CDH11: variants seen among roughly 807,000 people sequenced by gnomAD.
The protein encoded by CDH11 is cadherin-11.
In CDH11, 11 loss-of-function variants were observed where a neutral mutation model predicts 67.8. The observed-to-expected ratio is 0.16, with a 90% CI of 0.10 to 0.27. CDH11 has a LOEUF of 0.27. Among genes scored for constraint, CDH11 ranks in the 10% least tolerant of loss-of-function variants. CDH11 has a pLI of 1.00. For missense variants in CDH11, 847 were observed against 1,031.2 expected, an observed-to-expected ratio of 0.82 and a Z score of 2.45; for synonymous variants, 419 against 400.0, an observed-to-expected ratio of 1.05 and a Z score of -0.57.
intron 1 of CDH11, among the ~76,000 whole-genome samples, chr16:65,114,737 A>G (rs1403451013): frequency 1.3e-5 from 2 of 152,338 alleles, no homozygotes; most frequent in Non-Finnish European, 2.9e-5. Context: ...TGGAAGGTCC[A>G]GGAGCCTTGG....
chr16:65,073,874 T>C (rs980712416), intron 1 of CDH11, among the ~76,000 whole-genome samples: 10 of 152,144 alleles, frequency 6.6e-5, no homozygotes, highest in African/African-American at 2.4e-4. Context: ...ACAGACAGCA[T>C]CAGGAGAAGC....
intron 2 of CDH11, among the ~76,000 whole-genome samples, chr16:65,015,991 G>A (rs1362772892): frequency 2.0e-5 from 3 of 152,172 alleles, no homozygotes; most frequent in African/African-American, 7.2e-5. Flanking sequence ...GTGGATGGAA[G>A]CCACTGAACA....
chr16:64,994,467 C>T (rs914378941), intron 4 of CDH11, among the ~76,000 whole-genome samples: 6 of 152,102 alleles, frequency 3.9e-5, no homozygotes, highest in Non-Finnish European at 5.9e-5. Flanking sequence ...TGCCTGGGTT[C>T]GTAAGGCTGA....
intron 12 of CDH11, among the ~76,000 whole-genome samples, chr16:64,948,987 G>A (rs1211721875): frequency 5.9e-5 from 9 of 152,232 alleles, no homozygotes; most frequent in African/African-American, 1.9e-4. Context: ...ACTGCTCTGA[G>A]AAGAAGGAAT....
At chr16:64,973,494 A>T (rs2072071043) in intron 8 of CDH11, among the ~76,000 whole-genome samples, 1 of 152,132 alleles carries the variant, frequency 6.6e-6, no homozygotes, top group Non-Finnish European at 1.5e-5. Flanking sequence ...TAGACCTAAA[A>T]ATCAGTTTGT....
intron 2 of CDH11, among the ~76,000 whole-genome samples, chr16:65,034,299 T>C (rs570918617): frequency 2.6e-5 from 4 of 152,310 alleles, no homozygotes; most frequent in African/African-American, 7.2e-5. Context: ...GATTTTGAAA[T>C]TGTAGCCTCC....
Position 64,947,748 on chromosome 16 carries a change from C to T in CDH11, c.2246G>A (p.Gly749Asp). The change falls in exon 13 of 13, where the codon GGC becomes GAC. Residue 749 changes from glycine to aspartate, a missense_variant. Physicochemically the swap from Gly to Asp is moderately conservative, Grantham distance 94 (BLOSUM62 -1). Around this residue, in one of 2 missense-constraint regions of CDH11, gnomAD observed 612 missense variants for 678.7 expected, o/e 0.90. Transcript: ENST00000268603. ...GGAGCTCAGGGACCCGGCCACTGAGCCCCTGCCTTCATAACCGTAGATTTG... is the reference window on the plus strand; with the variant it reads ...GGAGCTCAGGGACCCGGCCACTGAGTCCCTGCCTTCATAACCGTAGATTTG... ...SIQIYGYEGRGSVAGSLSSLE... is the reference protein window; with the variant it reads ...SIQIYGYEGRDSVAGSLSSLE... The T allele has an allele frequency of 6.2e-7, 1 of 1,614,138 alleles. No homozygotes were observed. Among genetic ancestry groups the T allele is most frequent in the Non-Finnish European group, 8.5e-7 (1 of 1,180,002 alleles).
Position 64,947,281 on chromosome 16 carries a change from G to A in CDH11, c.*322C>T, listed in dbSNP as rs1596998136. 3 of 1,139,310 alleles carry A rather than the reference G, an allele frequency of 2.6e-6. No homozygotes were observed. The highest frequency in any genetic ancestry group is 3.2e-5 in the African/African-American group (2 of 63,212). 70.6% of individuals were successfully genotyped at this position (1,139,310 alleles called of 1,614,324 possible). On this transcript the variant is annotated 3_prime_UTR_variant, in exon 13 of 13. Transcript: ENST00000268603. ...CTTAAAAAAGAAGAAAGACTTGGATGTTCATAACACATAAACAATTTCCCT... is the reference window on the plus strand; with the variant it reads ...CTTAAAAAAGAAGAAAGACTTGGATATTCATAACACATAAACAATTTCCCT...
At chr16:65,061,534 AT>A (rs950156480) in intron 1 of CDH11, among the ~76,000 whole-genome samples, 81 of 152,304 alleles carry the variant, frequency 5.3e-4, no homozygotes, top group African/African-American at 1.9e-3. Context: ...GTAGGTTATC[AT>A]TTTGCAAATA....
At chr16:65,122,923 G>C (rs2075359628), upstream of CDH11, among the ~76,000 whole-genome samples, 2 of 152,174 alleles carry the variant, frequency 1.3e-5, no homozygotes, top group South Asian at 4.1e-4. Context: ...CCACTCCCTC[G>C]CTACAGACCC....
intron 2 of CDH11, 110 bp from the exon 3 acceptor site, chr16:65,005,151 G>C: frequency 9.9e-7 from 1 of 1,014,768 alleles, no homozygotes; most frequent in African/African-American, 1.7e-5. Flanking sequence ...GGGAGCTACG[G>C]GCTTTGGGGA....
intron 1 of CDH11, among the ~76,000 whole-genome samples, chr16:65,094,163 G>A (rs2074843212): frequency 6.6e-6 from 1 of 152,064 alleles, no homozygotes; most frequent in South Asian, 2.1e-4. Flanking sequence ...TGGGATGAAG[G>A]GAAAGTAAAA....
chr16:65,023,841 G>C (rs1201710048), intron 2 of CDH11, among the ~76,000 whole-genome samples: 3 of 152,180 alleles, frequency 2.0e-5, no homozygotes, highest in African/African-American at 4.8e-5. Context: ...TCTTGGTTTT[G>C]ATGGGTTTTG....
intron 2 of CDH11, among the ~76,000 whole-genome samples, chr16:65,022,804 G>C (rs773628383): frequency 6.6e-6 from 1 of 151,976 alleles, no homozygotes; most frequent in Non-Finnish European, 1.5e-5. Context: ...GCCAGTGAGG[G>C]TCCCCACAGC....
chr16:65,059,441 T>C (rs2074201140), intron 1 of CDH11: 1 of 152,224 alleles, frequency 6.6e-6, no homozygotes, highest in South Asian at 2.1e-4. Context: ...TAATGCAAAG[T>C]GACAACCTTC....
At chr16:65,118,434 T>C (rs971044246) in intron 1 of CDH11, among the ~76,000 whole-genome samples, 1 of 151,534 alleles carries the variant, frequency 6.6e-6, no homozygotes, top group Non-Finnish European at 1.5e-5. Flanking sequence ...GACCTGTTGA[T>C]GTTTTTCCCC....
intron 1 of CDH11, among the ~76,000 whole-genome samples, chr16:65,093,659 A>G (rs1172839022): frequency 2.0e-5 from 3 of 152,204 alleles, no homozygotes; most frequent in Non-Finnish European, 4.4e-5. Context: ...CATTCATCCA[A>G]CAAAATAATC....
intron 11 of CDH11, among the ~76,000 whole-genome samples, chr16:64,970,885 T>TA: frequency 6.6e-6 from 1 of 152,228 alleles, no homozygotes; most frequent in East Asian, 1.9e-4. Flanking sequence ...TGGATGAGAG[T>TA]AAAAAATATA....
intron 2 of CDH11, among the ~76,000 whole-genome samples, chr16:65,015,298 G>T (rs891501348): frequency 1.3e-5 from 2 of 151,962 alleles, no homozygotes; most frequent in East Asian, 1.9e-4. Context: ...CAAGTTTGGA[G>T]ATTTTGCTGT....
Sources: gnomAD v4.1 joint callset for allele counts (sites outside exome capture counted in the v4.1 genomes callset) on GRCh38, gnomAD v4.1.1 for gene constraint, gnomAD v4.1.1 regional missense constraint, MANE v1.5 for transcripts, NCBI Gene and HGNC (gene_info 2026-07-23, HGNC 2026-07-21) for gene names.